The following LRRC27 variants were observed in gnomAD, a reference collection of about 807,000 sequenced individuals.
The protein encoded by LRRC27 is leucine rich repeat containing 27.
Under a neutral mutation model 55.0 loss-of-function variants are expected in LRRC27, and 57 were observed. That is an observed-to-expected ratio of 1.04 (90% CI 0.84 to 1.29). LRRC27 has a LOEUF of 1.29. Ranked by LOEUF, LRRC27 falls within the 50% of genes most tolerant of loss-of-function variation. LRRC27 has a pLI of 0.00. For synonymous variants in LRRC27, 278 were observed against 251.9 expected, an observed-to-expected ratio of 1.10 and a Z score of -0.98; for missense variants, 721 against 651.5, an observed-to-expected ratio of 1.11 and a Z score of -1.16.
rs1490388551 is a variant in LRRC27 at position 132,378,690 on chromosome 10, T to C, written c.*3448T>C. 1 of 152,284 alleles carries C rather than the reference T, an allele frequency of 6.6e-6. No homozygotes were observed. Among genetic ancestry groups the C allele is most frequent in the African/African-American group, 2.4e-5 (1 of 41,462 alleles). 9.4% of individuals were successfully genotyped at this position (152,284 alleles called of 1,614,324 possible). Reference sequence around the variant, plus strand: ...CCACAGAAAAACCCATGAGGTTTTTTAACATTAAAAACAGCAGCTTTATGA... The same window carrying C: ...CCACAGAAAAACCCATGAGGTTTTTCAACATTAAAAACAGCAGCTTTATGA... On this transcript the variant is annotated 3_prime_UTR_variant, in exon 11 of 11. Transcript: ENST00000368614.
chr10:132,349,480 C>T (rs1469825845), intron 6 of LRRC27, among the ~76,000 whole-genome samples: 5 of 152,200 alleles, frequency 3.3e-5, no homozygotes, highest in South Asian at 2.1e-4. Flanking sequence ...AGCGAGGCCT[C>T]GGACGCTCCA....
upstream of LRRC27, chr10:132,331,977 C>A: frequency 2.1e-6 from 1 of 482,054 alleles, no homozygotes; most frequent in Non-Finnish European, 3.6e-6. Context: ...CCGCCCCCTC[C>A]CGGGCAGGCG....
chr10:132,332,577 T>C (rs2066843420), intron 1 of LRRC27: 1 of 152,186 alleles, frequency 6.6e-6, no homozygotes, highest in Admixed American at 6.5e-5. Context: ...TTTAAGATAC[T>C]TTCCCTGTTC....
Position 132,378,507 on chromosome 10 carries a change from G to A in LRRC27, c.*3265G>A, listed in dbSNP as rs1241515589. 1 of 152,018 alleles carries A rather than the reference G, an allele frequency of 6.6e-6. No homozygotes were observed. The highest frequency in any genetic ancestry group is 1.5e-5 in the Non-Finnish European group (1 of 68,048). 9.4% of individuals were successfully genotyped at this position (152,018 alleles called of 1,614,324 possible). ...CATTCGTGCGTACGAGTGTGTGCAT[G>A]TGTGCGCCCGTGTGTATGTGCATAT... On this transcript the variant is annotated 3_prime_UTR_variant, in exon 11 of 11. Transcript: ENST00000368614.
At chr10:132,336,488 T>C (rs1434115523) in intron 2 of LRRC27, among the ~76,000 whole-genome samples, 1 of 152,220 alleles carries the variant, frequency 6.6e-6, no homozygotes, top group Non-Finnish European at 1.5e-5. Flanking sequence ...TTTCTCCAGT[T>C]GGAATCTGTC....
Position 132,379,105 on chromosome 10 carries a change from G to C in LRRC27, c.*3863G>C, listed in dbSNP as rs878994689. 2.3e-4 allele frequency: 24 copies of C among 103,988 alleles called. No homozygotes were observed. Among genetic ancestry groups the C allele is most frequent in the South Asian group, 5.9e-4 (2 of 3,362 alleles). 6.4% of individuals were successfully genotyped at this position (103,988 alleles called of 1,614,324 possible). ...TCTGTGTTCTCGGGGAGTGCGTGGT[G>C]TCAGATCCCATCCTGCTCCTCTCCA... On this transcript the variant is annotated 3_prime_UTR_variant, in exon 11 of 11. Transcript: ENST00000368614.
Position 132,348,422 on chromosome 10 carries a change from T to C in LRRC27, c.926+66T>C, listed in dbSNP as rs1291933072. The C allele has an allele frequency of 1.9e-6, 3 of 1,551,716 alleles. No individual in the cohort carries two copies. The East Asian group carries it at 6.8e-5, about 35-fold the overall frequency. On this transcript the variant is annotated intron_variant, in intron 6 of 10. Coordinates refer to ENST00000368614, the MANE Select transcript of LRRC27 (RefSeq NM_030626.3). The surrounding 1 kb of genome is among the most constrained non-coding windows in gnomAD (Gnocchi z 4.2). ...GAATTTATACAGTTATTTTAAATTA[T>C]CTTTGAAAACATCAGGTCCAGCTTT... is the stretch of plus-strand genomic sequence containing the variant.
Position 132,337,077 on chromosome 10 carries a change from C to T in LRRC27, c.211-488C>T, listed in dbSNP as rs181047223. The T allele has an allele frequency of 7.3e-5, 94 of 1,281,212 alleles. No individual in the cohort carries two copies. The Admixed American group carries it at 8.3e-4, about 11-fold the overall frequency. The allele number at this position is 1,281,212 out of a possible 1,614,324, so 79.4% of individuals were successfully genotyped here. On this transcript the variant is annotated intron_variant, in intron 2 of 10. Transcript: ENST00000368614. ...TTGCTGCTGATCGTAGAGAACACCA[C>T]GGCAGACATCTCTGTCCCTGTCTTT...
chr10:132,364,494 C>T (rs866079777), intron 9 of LRRC27, among the ~76,000 whole-genome samples: 4 of 4,460 alleles, frequency 9.0e-4, no homozygotes, highest in Non-Finnish European at 3.3e-3. Flanking sequence ...CACTTACACC[C>T]ACCCTTACAT....
At chr10:132,353,137 C>A in intron 7 of LRRC27, 1 of 1,451,688 alleles carries the variant, frequency 6.9e-7, no homozygotes, top group East Asian at 2.5e-5. Flanking sequence ...TGGTGGTTGG[C>A]TTTGGCCAGC....
chr10:132,365,387 T>TGTCAA (rs747376445), intron 9 of LRRC27, 37 bp from the exon 10 acceptor site: 1 of 1,610,974 alleles, frequency 6.2e-7, no homozygotes, highest in Non-Finnish European at 8.5e-7. Flanking sequence ...AGAGTAAATG[T>TGTCAA]GTCAAGTCAT....
In LRRC27 at chr10:132,336,888, C is replaced by T; in HGVS notation, c.211-677C>T. 9 of 703,400 alleles carry T rather than the reference C, an allele frequency of 1.3e-5. 1 individual carries two copies. In the South Asian group the frequency reaches 1.5e-4, roughly 11 times the overall value. The allele number at this position is 703,400 out of a possible 1,614,324, so 43.6% of individuals were successfully genotyped here. A position where few individuals can be genotyped will look rare whatever the true frequency, so the allele number is the denominator to read the frequency against. On this transcript the variant is annotated intron_variant, in intron 2 of 10. Coordinates refer to ENST00000368614, the MANE Select transcript of LRRC27 (RefSeq NM_030626.3). The stretch of plus-strand genomic sequence containing the variant: ...ATTGTAAAAATTAGCTATGATCCTT[C>T]CACACTGTGACTGTAAAATTGTGTG...
chr10:132,353,734 G>A (rs1292692705), intron 7 of LRRC27, among the ~76,000 whole-genome samples: 1 of 152,208 alleles, frequency 6.6e-6, no homozygotes, highest in Non-Finnish European at 1.5e-5. Context: ...GCACCGGGAA[G>A]GCTTTCCTTT....
intron 9 of LRRC27, among the ~76,000 whole-genome samples, chr10:132,364,409 A>ACGCCCACACTTACACC (rs1402375501): frequency 4.8e-4 from 8 of 16,802 alleles, no homozygotes; most frequent in African/African-American, 5.8e-4. Context: ...ATCTACCTCC[A>ACGCCCACACTTACACC]CACCCGCGCT....
chr10:132,359,025 A>T (rs866575614), intron 8 of LRRC27, among the ~76,000 whole-genome samples: 2 of 47,612 alleles, frequency 4.2e-5, no homozygotes, highest in African/African-American at 2.0e-4. Context: ...CGTGGGGAGG[A>T]GCCGAGGTGA....
At chr10:132,369,430 G>C (rs2069165500) in intron 10 of LRRC27, among the ~76,000 whole-genome samples, 1 of 152,202 alleles carries the variant, frequency 6.6e-6, no homozygotes. Context: ...GCTTAGCACT[G>C]AAAGGAAATG....
chr10:132,375,530 A>G lies in LRRC27; in HGVS notation c.*288A>G. 3.2e-6 allele frequency: 1 copy of G among 313,976 alleles called. No homozygotes were observed. The highest frequency in any genetic ancestry group is 5.9e-6 in the Non-Finnish European group (1 of 169,832). The allele number at this position is 313,976 out of a possible 1,614,324, so 19.4% of individuals were successfully genotyped here. A position where few individuals can be genotyped will look rare whatever the true frequency, so the allele number is the denominator to read the frequency against. ...TGTGACAGAGTGCTCACACTCAGGCACTTGCCTCTCTCCTGTCCTGGAGCC... is the reference window on the plus strand; with the variant it reads ...TGTGACAGAGTGCTCACACTCAGGCGCTTGCCTCTCTCCTGTCCTGGAGCC... On this transcript the variant is annotated 3_prime_UTR_variant, in exon 11 of 11. Coordinates refer to ENST00000368614, the MANE Select transcript of LRRC27 (RefSeq NM_030626.3).
chr10:132,346,151 A>C (rs1056427529), intron 5 of LRRC27, among the ~76,000 whole-genome samples: 45 of 152,294 alleles, frequency 3.0e-4, no homozygotes, highest in African/African-American at 1.1e-3. Flanking sequence ...GGGTAGGCTC[A>C]TGGGGGCAGC....
At chr10:132,337,750 C>G in intron 3 of LRRC27, 55 bp downstream of exon 3, 5 of 1,590,300 alleles carry the variant, frequency 3.1e-6, no homozygotes, top group East Asian at 2.2e-5. Flanking sequence ...GCACGAGTGC[C>G]TGTTCTTTCG....
Sources: gnomAD v4.1 joint callset for allele counts (sites outside exome capture counted in the v4.1 genomes callset) on GRCh38, gnomAD v4.1.1 for gene constraint, Gnocchi (gnomAD v3.1) non-coding constraint, MANE v1.5 for transcripts, NCBI Gene and HGNC (gene_info 2026-07-23, HGNC 2026-07-21) for gene names.